SLC40A1: variants seen among roughly 807,000 people sequenced by gnomAD.
SLC40A1 encodes ferroportin.
SLC40A1 carries 16 observed loss-of-function variants against 53.5 expected under a neutral mutation model. The ratio of observed to expected loss-of-function variants is 0.30; its 90% CI spans 0.20 to 0.45. The LOEUF (loss-of-function observed/expected upper bound fraction) is 0.45. Ranked by LOEUF, SLC40A1 falls within the 20% of genes least tolerant of loss-of-function variation. SLC40A1 has a pLI of 1.00. For synonymous variants in SLC40A1, 247 were observed against 253.2 expected (o/e 0.98, Z 0.23); for missense variants, 545 against 695.4 (o/e 0.78, Z 2.43).
intron 4 of SLC40A1, among the ~76,000 whole-genome samples, chr2:189,572,332 A>G (rs1352576658): frequency 6.6e-6 from 1 of 152,204 alleles, no homozygotes; most frequent in African/African-American, 2.4e-5. Context: ...TTGCAACTCT[A>G]TAATATCAAT....
At chr2:189,575,498 T>C (rs376727150) in intron 2 of SLC40A1, among the ~76,000 whole-genome samples, 178 bp from the exon 3 acceptor site, 2 of 152,206 alleles carry the variant, frequency 1.3e-5, no homozygotes, top group South Asian at 2.1e-4. Context: ...CCCAGCACAA[T>C]GGAAAATATT....
chr2:189,565,098 T>C (rs576560990), intron 6 of SLC40A1, among the ~76,000 whole-genome samples: 26 of 152,156 alleles, frequency 1.7e-4, no homozygotes, highest in Non-Finnish European at 2.6e-4. Flanking sequence ...TCAAGTAAAA[T>C]TGAACCTCTA....
In SLC40A1 at chr2:189,569,987, C is replaced by T. The variant is rs1029896792; in HGVS notation, c.514+1728G>A. Among the ~76,000 whole-genome samples the T allele has an allele frequency of 9.3e-5, 13 of 140,060 alleles. 1 individual carries two copies. Among genetic ancestry groups the T allele is most frequent in the Non-Finnish European group, 1.7e-4 (11 of 63,112 alleles). The allele number at this position is 140,060 out of a possible 152,430, so 91.9% of individuals were successfully genotyped here. The stretch of plus-strand genomic sequence containing the variant: ...ATATATATGTATGTATATATATACA[C>T]ACCTATATATGTATGTATATATATA... On this transcript the variant is annotated intron_variant, in intron 5 of 7. Transcript: ENST00000261024.
At chr2:189,571,865 G>A in intron 4 of SLC40A1, 24 bp from the exon 5 acceptor site, 5 of 1,473,428 alleles carry the variant, frequency 3.4e-6, no homozygotes, top group Non-Finnish European at 4.8e-6. Flanking sequence ...AGAAAAAAAT[G>A]AGTTATAATG....
chr2:189,579,894 G>C lies in SLC40A1; in HGVS notation c.44-14C>G. The C allele has an allele frequency of 6.2e-7, 1 of 1,613,986 alleles. No homozygotes were observed. On this transcript the variant is annotated splice_polypyrimidine_tract_variant and intron_variant, in intron 1 of 7. Transcript: ENST00000261024. The stretch of plus-strand genomic sequence containing the variant: ...CGGCCAAGGATCCTGCAAAGACACA[G>C]GCGGGGTGACAAAAAGCGATGGTAG...
Position 189,563,841 on chromosome 2 carries a change from G to A in SLC40A1, c.1145C>T (p.Ser382Phe). 6.2e-7 allele frequency: 1 copy of A among 1,614,192 alleles called. No homozygotes were observed. Among genetic ancestry groups the A allele is most frequent in the Non-Finnish European group, 8.5e-7 (1 of 1,180,030 alleles). The change falls in exon 7 of 8, where the codon TCC becomes TTC. Residue 382 changes from serine to phenylalanine, a missense_variant. This residue lies in a region of SLC40A1 where 234 missense variants were observed against 299.0 expected (regional missense o/e 0.78). Coordinates refer to ENST00000261024, the MANE Select transcript of SLC40A1 (RefSeq NM_014585.6). ...TGLISGLAQL[S>F]CLILCVISVF... The stretch of plus-strand genomic sequence containing the variant: ...AGAGATCACACACAAGATCAAACAG[G>A]AAAGCTGTGCCAATCCTGAGATCAG...
At chr2:189,571,644 C>A (rs778378861) in intron 5 of SLC40A1, 71 bp downstream of exon 5, 230 of 1,576,388 alleles carry the variant, frequency 1.5e-4, no homozygotes, top group Middle Eastern at 6.7e-4. Context: ...AGGCTTACAG[C>A]CTCATTTATC....
intron 2 of SLC40A1, among the ~76,000 whole-genome samples, chr2:189,575,594 T>G (rs1158073344): frequency 6.6e-6 from 1 of 152,232 alleles, no homozygotes; most frequent in African/African-American, 2.4e-5. Flanking sequence ...AAAATGCAGT[T>G]TCCAGACCCA....
chr2:189,579,404 G>A (rs1363767681), intron 2 of SLC40A1, among the ~76,000 whole-genome samples: 3 of 152,156 alleles, frequency 2.0e-5, no homozygotes, highest in South Asian at 2.1e-4. Context: ...GGTGCTGCAC[G>A]CTGGAACTAA....
At chr2:189,565,677 T>C in intron 5 of SLC40A1, 78 bp from the exon 6 acceptor site, 1 of 1,577,946 alleles carries the variant, frequency 6.3e-7, no homozygotes. Flanking sequence ...AATACAAAGC[T>C]GTAAACCAAG....
chr2:189,578,624 G>A (rs2031366825), intron 2 of SLC40A1, among the ~76,000 whole-genome samples: 1 of 152,136 alleles, frequency 6.6e-6, no homozygotes, highest in Admixed American at 6.5e-5. Context: ...TTAAACTGGG[G>A]GAACAAACTA....
At chr2:189,569,091 GATA>G (rs981270792) in intron 5 of SLC40A1, among the ~76,000 whole-genome samples, 1 of 152,206 alleles carries the variant, frequency 6.6e-6, no homozygotes, top group African/African-American at 2.4e-5. Context: ...TTCCAAACTG[GATA>G]ATGACTGCTG....
chr2:189,563,694 T>C lies in SLC40A1; in HGVS notation c.1292A>G (p.Tyr431Cys). 5 of 1,614,132 alleles carry C rather than the reference T, an allele frequency of 3.1e-6. No individual in the cohort carries two copies. The highest frequency in any genetic ancestry group is 4.2e-6 in the Non-Finnish European group (5 of 1,179,960). ...AGCAGAATTAGACCCATTAGACATG[T>C]ATATTTCAGTTGTAATTTCAGGTAT... ...TKIPEITTEI[Y>C]MSNGSNSANI... Residue 431 changes from tyrosine (Y) to cysteine (C), a missense_variant, in exon 7 of 8, where the codon TAC (tyrosine) becomes TGC (cysteine). This residue lies in a region of SLC40A1 where 234 missense variants were observed against 299.0 expected (regional missense o/e 0.78). Transcript: ENST00000261024.
chr2:189,569,512 C>A lies in SLC40A1; in HGVS notation c.514+2203G>T, dbSNP rs13398454. ...GATGTACTTTCCCCCTTCTTTGTCCCATTTTTCCTTTATCCTCCTCCTTTT... is the reference window on the plus strand; with the variant it reads ...GATGTACTTTCCCCCTTCTTTGTCCAATTTTTCCTTTATCCTCCTCCTTTT... On this transcript the variant is annotated intron_variant, in intron 5 of 7. Coordinates refer to ENST00000261024, the MANE Select transcript of SLC40A1 (RefSeq NM_014585.6). 3.3e-3 allele frequency among the ~76,000 whole-genome samples: 506 copies of A among 152,352 alleles called. 1 individual carries two copies. Among genetic ancestry groups the A allele is most frequent in the African/African-American group, 0.012 (490 of 41,576 alleles).
chr2:189,564,255 G>A (rs767156300), intron 6 of SLC40A1, 30 bp from the exon 7 acceptor site: 15 of 1,604,474 alleles, frequency 9.3e-6, no homozygotes, highest in Non-Finnish European at 1.2e-5. Flanking sequence ...TTATTTTGTT[G>A]GGGAGGACAT....
chr2:189,571,586 T>G, intron 5 of SLC40A1, 129 bp downstream of exon 5: 1 of 1,445,082 alleles, frequency 6.9e-7, no homozygotes, highest in Non-Finnish European at 9.4e-7. Flanking sequence ...AGAAAAAAAG[T>G]ATGCTTTCAA....
chr2:189,575,340 T>C lies in SLC40A1; in HGVS notation c.112-20A>G. The stretch of plus-strand genomic sequence containing the variant: ...ATCTCCCTTAAATGAAAAGAGAAAA[T>C]GTTTTGATGGAATATTTTTCGTTTC... On this transcript the variant is annotated intron_variant, in intron 2 of 7. Coordinates refer to ENST00000261024, the MANE Select transcript of SLC40A1 (RefSeq NM_014585.6). 6.2e-7 allele frequency: 1 copy of C among 1,613,648 alleles called. No individual in the cohort carries two copies.
At chr2:189,580,287 T>C (rs369878703) in intron 1 of SLC40A1, 131 bp downstream of exon 1, 3 of 996,304 alleles carry the variant, frequency 3.0e-6, no homozygotes, top group Non-Finnish European at 4.7e-6. Flanking sequence ...CCACCAAATA[T>C]GAGTCAAAGG....
chr2:189,580,425 T>A lies in SLC40A1; in HGVS notation c.36A>T (p.Gly12=), dbSNP rs748320246. Reference sequence around the variant, plus strand: ...TCGGTCAACGACACTCACCACAGCATCCTCTCTGGCGGTTGTGATCTCCCG... The same window carrying A: ...TCGGTCAACGACACTCACCACAGCAACCTCTCTGGCGGTTGTGATCTCCCG... ...TRAGDHNRQR[G]CCGSLADYLT... Residue 12 remains glycine (G), a synonymous_variant, in exon 1 of 8, where the codon GGA becomes GGT. Coordinates refer to ENST00000261024, the MANE Select transcript of SLC40A1 (RefSeq NM_014585.6). 1.2e-6 allele frequency: 2 copies of A among 1,613,810 alleles called. No homozygotes were observed. The highest frequency in any genetic ancestry group is 1.7e-5 in the Admixed American group (1 of 60,018).
Sources: allele counts gnomAD v4.1 joint callset (sites outside exome capture counted in the v4.1 genomes callset), GRCh38; gene constraint gnomAD v4.1.1; regional missense constraint gnomAD v4.1.1; transcripts MANE v1.5; gene names NCBI Gene and HGNC (gene_info 2026-07-23, HGNC 2026-07-21).